UBE2O: variants seen among roughly 807,000 people sequenced by gnomAD.
The protein encoded by UBE2O is (E3-independent) E2 ubiquitin-conjugating enzyme.
A neutral mutation model predicts 125.8 loss-of-function variants in UBE2O; 15 were observed. That is an observed-to-expected ratio of 0.12 (90% CI 0.08 to 0.18). The LOEUF is 0.18. Among genes scored for constraint, UBE2O ranks in the 10% least tolerant of loss-of-function variants. The pLI, the probability that UBE2O is intolerant of heterozygous loss-of-function variation, is 1.00. For synonymous variants in UBE2O, 708 were observed against 703.2 expected (o/e 1.01, Z -0.11); for missense variants, 1,280 against 1,723.6 (o/e 0.74, Z 4.56).
In UBE2O at chr17:76,405,550, A is replaced by G; in HGVS notation, c.440T>C (p.Val147Ala). 1.3e-6 allele frequency: 2 copies of G among 1,597,950 alleles called. No individual in the cohort carries two copies. Among genetic ancestry groups the G allele is most frequent in the Non-Finnish European group, 1.7e-6 (2 of 1,173,950 alleles). ...GTGCCGGACCACATCTCGGGGCACC[A>G]CAGAACGGTCCTCTAGTTTCAGCTG... The part of the protein sequence containing the change: ...ETKLKLEDRS[V>A]VPRDVVRHMR... The change falls in exon 2 of 18, where the codon GTG becomes GCG. Residue 147 changes from valine to alanine, a missense_variant. Val to Ala is a moderately conservative substitution (Grantham distance 64). Coordinates refer to ENST00000319380, the MANE Select transcript of UBE2O (RefSeq NM_022066.4). The surrounding 1 kb of genome is among the most constrained non-coding windows in gnomAD (Gnocchi z 6.1).
intron 15 of UBE2O, 63 bp from the exon 16 acceptor site, chr17:76,392,176 T>C: frequency 9.3e-7 from 1 of 1,078,340 alleles, no homozygotes; most frequent in Non-Finnish European, 1.3e-6. Context: ...GTCCTACATG[T>C]GGCATCTGCA....
Position 76,396,055 on chromosome 17 carries a change from C to T in UBE2O, c.2809+73G>A. 2 of 1,545,998 alleles carry T rather than the reference C, an allele frequency of 1.3e-6. No homozygotes were observed. The highest frequency in any genetic ancestry group is 8.8e-7 in the Non-Finnish European group (1 of 1,134,452). On this transcript the variant is annotated intron_variant, in intron 14 of 17. Coordinates refer to ENST00000319380, the MANE Select transcript of UBE2O (RefSeq NM_022066.4). This position sits in a 1 kb window ranked among gnomAD's most constrained non-coding sequence, Gnocchi z 6.7. ...TGGCGAGGGGACTAACCACCCTGCA[C>T]CCAGATCTGGTGACACAAACAGGAG...
chr17:76,451,346 G>A (rs940386938), intron 1 of UBE2O, among the ~76,000 whole-genome samples: 1 of 152,176 alleles, frequency 6.6e-6, no homozygotes, highest in Non-Finnish European at 1.5e-5. Flanking sequence ...CTTGTAAATG[G>A]ACTGATAATT....
At chr17:76,408,607 T>A (rs1224048522) in intron 1 of UBE2O, among the ~76,000 whole-genome samples, 1 of 152,270 alleles carries the variant, frequency 6.6e-6, no homozygotes, top group East Asian at 1.9e-4. Context: ...AAAGAAAAAC[T>A]CTCTTCATTT....
In UBE2O at chr17:76,404,573, G is replaced by A. The variant is rs2072384270; in HGVS notation, c.588+633C>T. ...CGCAAAGAAGAAAAGAGTAGTGTTG[G>A]GACAACTGCATGTGGTCTGTGGACT... On this transcript the variant is annotated intron_variant, in intron 3 of 17. Coordinates refer to ENST00000319380, the MANE Select transcript of UBE2O (RefSeq NM_022066.4). The surrounding 1 kb of genome is among the most constrained non-coding windows in gnomAD (Gnocchi z 4.3). 6.6e-6 allele frequency among the ~76,000 whole-genome samples: 1 copy of A among 152,190 alleles called. No homozygotes were observed. The highest frequency in any genetic ancestry group is 2.4e-5 in the African/African-American group (1 of 41,438).
At position 76,398,932 on chromosome 17, in the gene UBE2O, G is replaced by A. The variant is rs575109419; in HGVS notation, c.1688C>T (p.Ser563Phe). 3.1e-6 allele frequency: 5 copies of A among 1,614,094 alleles called. No individual in the cohort carries two copies. The African/African-American group carries it at 5.3e-5, about 17-fold the overall frequency. The stretch of plus-strand genomic sequence containing the variant: ...GTTGGAGCGGATGTTGCATTCCACG[G>A]AGCCATCCTGCCACATCACGTCGGC... ...TSADVMWQDG[S>F]VECNIRSNDL... is the part of the protein sequence containing the mutation. The change falls in exon 10 of 18, where the codon TCC (serine) becomes TTC (phenylalanine). Residue 563 changes from serine to phenylalanine, a missense_variant. By Grantham distance (155) the Ser-to-Phe change is radical (BLOSUM62 -2). Transcript: ENST00000319380. This position sits in a 1 kb window ranked among gnomAD's most constrained non-coding sequence, Gnocchi z 5.4.
chr17:76,449,403 C>T (rs1484896482), intron 1 of UBE2O, among the ~76,000 whole-genome samples: 4 of 152,190 alleles, frequency 2.6e-5, no homozygotes, highest in African/African-American at 7.2e-5. Context: ...GGCAAACTGC[C>T]GTCTCTACTA....
intron 1 of UBE2O, among the ~76,000 whole-genome samples, chr17:76,444,622 G>A (rs905317063): frequency 2.6e-5 from 4 of 152,186 alleles, no homozygotes; most frequent in Non-Finnish European, 5.9e-5. Context: ...CAGGGGAGCC[G>A]TCACACTCAG....
chr17:76,400,911 C>A lies in UBE2O; in HGVS notation c.894+100G>T. ...TCAACAGGGTCCAGATGCTGAGGAG[C>A]GGGGCTCAACCCTCAAGAGCAGGAA... On this transcript the variant is annotated intron_variant, in intron 6 of 17. Coordinates refer to ENST00000319380, the MANE Select transcript of UBE2O (RefSeq NM_022066.4). This position sits in a 1 kb window ranked among gnomAD's most constrained non-coding sequence, Gnocchi z 4.3. The A allele has an allele frequency of 7.1e-7, 1 of 1,410,456 alleles. No homozygotes were observed. The highest frequency in any genetic ancestry group is 9.7e-7 in the Non-Finnish European group (1 of 1,034,594). The allele number at this position is 1,410,456 out of a possible 1,614,324, so 87.4% of individuals were successfully genotyped here. A position where few individuals can be genotyped will look rare whatever the true frequency, so the allele number is the denominator to read the frequency against.
chr17:76,427,579 G>C (rs1019620235), intron 1 of UBE2O, among the ~76,000 whole-genome samples: 1 of 152,150 alleles, frequency 6.6e-6, no homozygotes, highest in African/African-American at 2.4e-5. Flanking sequence ...ATTCCAAAAG[G>C]CCTGTACTGT....
rs539562482 is a variant in UBE2O at position 76,405,085 on chromosome 17, G to A, written c.588+121C>T. On this transcript the variant is annotated intron_variant, in intron 3 of 17. Coordinates refer to ENST00000319380, the MANE Select transcript of UBE2O (RefSeq NM_022066.4). This position sits in a 1 kb window ranked among gnomAD's most constrained non-coding sequence, Gnocchi z 6.1. ...AGGAGCCAGCTGGCTGCTGTGCTCC[G>A]CCTTCTGACCCAGGAAGGCTGTGCT... is the stretch of plus-strand genomic sequence containing the variant. 11 of 699,782 alleles carry A rather than the reference G, an allele frequency of 1.6e-5. 1 individual carries two copies. Among genetic ancestry groups the A allele is most frequent in the South Asian group, 1.3e-4 (6 of 46,276 alleles). The allele number at this position is 699,782 out of a possible 1,614,324, so 43.3% of individuals were successfully genotyped here.
In UBE2O at chr17:76,395,610, G is replaced by C; in HGVS notation, c.2946+115C>G. 7.6e-7 allele frequency: 1 copy of C among 1,316,474 alleles called. No homozygotes were observed. The highest frequency in any genetic ancestry group is 2.3e-5 in the East Asian group (1 of 43,002). The allele number at this position is 1,316,474 out of a possible 1,614,324, so 81.5% of individuals were successfully genotyped here. A position where few individuals can be genotyped will look rare whatever the true frequency, so the allele number is the denominator to read the frequency against. On this transcript the variant is annotated intron_variant, in intron 15 of 17. Transcript: ENST00000319380. The surrounding 1 kb of genome is among the most constrained non-coding windows in gnomAD (Gnocchi z 5.0). ...GCCCCTGTAAAAGGTGGGTGGGTGA[G>C]TGTCCTCGCAGGTGCCAGTCAGCCC...
chr17:76,422,182 T>C (rs917410709), intron 1 of UBE2O, among the ~76,000 whole-genome samples: 7 of 152,214 alleles, frequency 4.6e-5, no homozygotes, highest in African/African-American at 1.7e-4. Context: ...TTTTCCTCAA[T>C]GGCTCCCAAC....
chr17:76,425,468 T>G lies in UBE2O; in HGVS notation c.418-19896A>C, dbSNP rs1272883848. 2.0e-5 allele frequency among the ~76,000 whole-genome samples: 3 copies of G among 152,250 alleles called. No individual in the cohort carries two copies. The East Asian group carries it at 5.8e-4, about 29-fold the overall frequency. On this transcript the variant is annotated intron_variant, in intron 1 of 17. Coordinates refer to ENST00000319380, the MANE Select transcript of UBE2O (RefSeq NM_022066.4). ...AGCAAATACTTTTTAATTTTTTAGC[T>G]GTTTGAATATTTACCTCCATACATA...
rs376974866 is a variant in UBE2O, at chr17:76,399,717, G to A, written c.1360C>T (p.His454Tyr). 1.2e-6 allele frequency: 2 copies of A among 1,614,128 alleles called. No individual in the cohort carries two copies. Among genetic ancestry groups the A allele is most frequent in the Non-Finnish European group, 1.7e-6 (2 of 1,180,028 alleles). The change falls in exon 9 of 18, where the codon CAC (histidine) becomes TAC (tyrosine). Residue 454 changes from histidine (H) to tyrosine (Y), a missense_variant. This residue lies in a region of UBE2O where 141 missense variants were observed against 141.3 expected (regional missense o/e 1.00). Coordinates refer to ENST00000319380, the MANE Select transcript of UBE2O (RefSeq NM_022066.4). The surrounding 1 kb of genome is among the most constrained non-coding windows in gnomAD (Gnocchi z 6.9). ...GGGGGCAGCTGCTCTCCTGCCTCGT[G>A]GGGCTCCTCTGCACCCTCGTCCTGC... ...EMQDEGAEEP[H>Y]EAGEQLPPFL... is the part of the protein sequence containing the mutation.
chr17:76,426,418 A>T (rs1212037093), intron 1 of UBE2O, among the ~76,000 whole-genome samples: 1 of 152,194 alleles, frequency 6.6e-6, no homozygotes, highest in Non-Finnish European at 1.5e-5. Flanking sequence ...ACTGGCACAT[A>T]TAATTGTTTA....
Position 76,396,857 on chromosome 17 carries a change from AG to A in UBE2O, c.2116-37del. 6.5e-7 allele frequency: 1 copy of A among 1,534,368 alleles called. No individual in the cohort carries two copies. Among genetic ancestry groups the A allele is most frequent in the Non-Finnish European group, 8.8e-7 (1 of 1,135,940 alleles). ...AAGGGAAGTGCCAGGGTAAGCAGAC[AG>A]GAAGTCACCTCCCCACCACTAAGGA... On this transcript the variant is annotated intron_variant, in intron 13 of 17. Coordinates refer to ENST00000319380, the MANE Select transcript of UBE2O (RefSeq NM_022066.4). The surrounding 1 kb of genome is among the most constrained non-coding windows in gnomAD (Gnocchi z 6.7).
In UBE2O at chr17:76,389,803, T is replaced by G. The variant is rs1309180588; in HGVS notation, c.*1140A>C. On this transcript the variant is annotated 3_prime_UTR_variant, in exon 18 of 18. Transcript: ENST00000319380. ...GACGCATCATGCTTTGGCTTTTTTTTTGTCTTTTTTTCTAATAAGAGTTAA... is the reference window on the plus strand; with the variant it reads ...GACGCATCATGCTTTGGCTTTTTTTGTGTCTTTTTTTCTAATAAGAGTTAA... 1 of 152,322 alleles carries G rather than the reference T, an allele frequency of 6.6e-6. No homozygotes were observed. Among genetic ancestry groups the G allele is most frequent in the East Asian group, 1.9e-4 (1 of 5,200 alleles). The allele number at this position is 152,322 out of a possible 1,614,324, so 9.4% of individuals were successfully genotyped here. A position where few individuals can be genotyped will look rare whatever the true frequency, so the allele number is the denominator to read the frequency against.
At chr17:76,451,248 A>T in intron 1 of UBE2O, among the ~76,000 whole-genome samples, 1 of 152,246 alleles carries the variant, frequency 6.6e-6, no homozygotes, top group East Asian at 1.9e-4. Context: ...GTCACACAGT[A>T]TACAGCAATA....
Sources: allele counts gnomAD v4.1 joint callset (sites outside exome capture counted in the v4.1 genomes callset), GRCh38; gene constraint gnomAD v4.1.1; regional missense constraint gnomAD v4.1.1; non-coding constraint Gnocchi (gnomAD v3.1); transcripts MANE v1.5; gene names NCBI Gene and HGNC (gene_info 2026-07-23, HGNC 2026-07-21).